GPC5: variants seen among roughly 807,000 people sequenced by gnomAD.
The protein encoded by GPC5 is glypican-5.
In GPC5, 47 loss-of-function variants were observed where a neutral mutation model predicts 53.9. The ratio of observed to expected loss-of-function variants is 0.87; its 90% confidence interval spans 0.69 to 1.11. The LOEUF is 1.11. Ranked by LOEUF, GPC5 falls within the 50% of genes most tolerant of loss-of-function variation. GPC5 has a pLI of 0.00. For missense variants in GPC5, 748 were observed against 713.1 expected (o/e 1.05, Z -0.56); for synonymous variants, 286 against 263.3 (o/e 1.09, Z -0.84).
intron 1 of GPC5, among the ~76,000 whole-genome samples, chr13:91,442,719 C>A (rs149055553): frequency 3.3e-5 from 5 of 152,160 alleles, no homozygotes; most frequent in Non-Finnish European, 7.3e-5. Context: ...TTGATTCCTT[C>A]GGCAAGACGT....
chr13:91,512,608 T>C (rs933705291), intron 2 of GPC5, among the ~76,000 whole-genome samples: 2 of 152,176 alleles, frequency 1.3e-5, no homozygotes, highest in African/African-American at 4.8e-5. Flanking sequence ...TGGCCTTTGG[T>C]GTATAGGCCC....
chr13:92,193,357 T>C (rs1239660718), intron 7 of GPC5, among the ~76,000 whole-genome samples: 1 of 152,206 alleles, frequency 6.6e-6, no homozygotes, highest in Non-Finnish European at 1.5e-5. Context: ...CATATTTGCA[T>C]TTATATTATG....
At chr13:92,762,073 G>T (rs79875718) in intron 7 of GPC5, among the ~76,000 whole-genome samples, 2,250 of 151,802 alleles carry the variant, frequency 0.015, 68 homozygotes, top group African/African-American at 0.052. Flanking sequence ...TTAATAATAT[G>T]AAAACACATG....
At chr13:92,820,803 T>C (rs1234460405) in intron 7 of GPC5, among the ~76,000 whole-genome samples, 1 of 152,194 alleles carries the variant, frequency 6.6e-6, no homozygotes, top group Admixed American at 6.6e-5. Flanking sequence ...GTAGTTTCTA[T>C]AAACAAAGTC....
At chr13:91,768,927 C>T (rs909706898) in intron 5 of GPC5, among the ~76,000 whole-genome samples, 1 of 152,182 alleles carries the variant, frequency 6.6e-6, no homozygotes, top group African/African-American at 2.4e-5. Flanking sequence ...ATAAACATCA[C>T]ACCTGCAGTC....
intron 6 of GPC5, among the ~76,000 whole-genome samples, chr13:91,914,091 T>G (rs2039635789): frequency 6.6e-6 from 1 of 152,174 alleles, no homozygotes; most frequent in African/African-American, 2.4e-5. Flanking sequence ...ATGGCAAAGT[T>G]GTCAGCAAAA....
intron 4 of GPC5, among the ~76,000 whole-genome samples, chr13:91,749,041 T>A (rs561428558): frequency 1.2e-4 from 19 of 152,296 alleles, no homozygotes; most frequent in Middle Eastern, 3.4e-3. Flanking sequence ...CTTATTTTTT[T>A]AATTTTTTAT....
intron 4 of GPC5, among the ~76,000 whole-genome samples, chr13:91,753,531 GCCA>G (rs1022714026): frequency 2.6e-5 from 4 of 152,090 alleles, no homozygotes; most frequent in African/African-American, 9.7e-5. Flanking sequence ...TCAGGTTATA[GCCA>G]CCTAAGTGAC....
intron 2 of GPC5, among the ~76,000 whole-genome samples, chr13:91,449,271 C>T (rs1402612199): frequency 6.6e-6 from 1 of 152,102 alleles, no homozygotes; most frequent in East Asian, 1.9e-4. Flanking sequence ...AGTTCTATAA[C>T]ATAAAATCTC....
rs67507888 is a variant in GPC5, at chr13:91,650,750, G to GTTTTTTTTTTTTTTT, written c.326-42429_326-42415dup. Among the ~76,000 whole-genome samples the GTTTTTTTTTTTTTTT allele has an allele frequency of 3.8e-3, 379 of 99,538 alleles. 24 individuals are homozygous for GTTTTTTTTTTTTTTT. The highest frequency in any genetic ancestry group is 0.014 in the African/African-American group (345 of 24,620). The allele number at this position is 99,538 out of a possible 152,430, so 65.3% of individuals were successfully genotyped here. A position where few individuals can be genotyped will look rare whatever the true frequency, so the allele number is the denominator to read the frequency against. ...CATCTGTGAAACAAAATTCCCATAA[G>GTTTTTTTTTTTTTTT]TTTTTTTTTTTTTTTTTTTTTTAGC... On this transcript the variant is annotated intron_variant, in intron 2 of 7. Transcript: ENST00000377067.
intron 6 of GPC5, among the ~76,000 whole-genome samples, chr13:92,019,367 G>A (rs9589403): frequency 7.9e-4 from 120 of 152,088 alleles, no homozygotes; most frequent in African/African-American, 2.7e-3. Flanking sequence ...GCTTATGTAC[G>A]TGATTGTAAC....
At chr13:91,518,563 C>CT (rs1176981767) in intron 2 of GPC5, among the ~76,000 whole-genome samples, 2 of 151,870 alleles carry the variant, frequency 1.3e-5, no homozygotes, top group Non-Finnish European at 2.9e-5. Flanking sequence ...TTTCTTTTTT[C>CT]TTTTTTTGAG....
At chr13:91,542,850 ATTTT>A (rs3055888) in intron 2 of GPC5, among the ~76,000 whole-genome samples, 3 of 68,206 alleles carry the variant, frequency 4.4e-5, no homozygotes, top group African/African-American at 5.4e-5. Flanking sequence ...TGCCCAGCCA[ATTTT>A]TTTTTTTTTT....
intron 7 of GPC5, among the ~76,000 whole-genome samples, chr13:92,630,215 A>C (rs1249370290): frequency 6.6e-6 from 1 of 152,212 alleles, no homozygotes; most frequent in African/African-American, 2.4e-5. Flanking sequence ...GTAATCGTGA[A>C]TGTATGAATG....
chr13:91,729,708 C>A (rs2036653272), intron 4 of GPC5, among the ~76,000 whole-genome samples: 1 of 152,088 alleles, frequency 6.6e-6, no homozygotes, highest in Non-Finnish European at 1.5e-5. Flanking sequence ...TATCTAAACA[C>A]CTACAATGAT....
chr13:92,205,707 T>A (rs559252214), intron 7 of GPC5, among the ~76,000 whole-genome samples: 28 of 152,306 alleles, frequency 1.8e-4, no homozygotes, highest in African/African-American at 6.3e-4. Flanking sequence ...ATTATAAATA[T>A]ACCTAACGTT....
chr13:91,879,101 A>G (rs2039236806), intron 5 of GPC5, among the ~76,000 whole-genome samples: 1 of 152,090 alleles, frequency 6.6e-6, no homozygotes, highest in African/African-American at 2.4e-5. Context: ...TTTTGAAAAA[A>G]AACTATTATC....
At chr13:92,349,860 G>A (rs879400586) in intron 7 of GPC5, among the ~76,000 whole-genome samples, 26 of 152,176 alleles carry the variant, frequency 1.7e-4, no homozygotes, top group Admixed American at 1.7e-3. Context: ...TTGAAGAGGA[G>A]GGACTCTTTC....
chr13:91,688,849 A>T (rs917306518), intron 2 of GPC5, among the ~76,000 whole-genome samples: 1 of 152,014 alleles, frequency 6.6e-6, no homozygotes, highest in Non-Finnish European at 1.5e-5. Context: ...TGTGTATCTA[A>T]GCATATTTAA....
Sources: gnomAD v4.1 joint callset for allele counts (sites outside exome capture counted in the v4.1 genomes callset) on GRCh38, gnomAD v4.1.1 for gene constraint, MANE v1.5 for transcripts, NCBI Gene and HGNC (gene_info 2026-07-23, HGNC 2026-07-21) for gene names.